The following BTBD1 variants were observed in gnomAD, a reference collection of about 807,000 sequenced individuals.
BTBD1 encodes BTB domain containing 1, also known as BTB/POZ domain-containing protein 1.
A neutral mutation model predicts 48.0 loss-of-function variants in BTBD1; 34 were observed. The ratio of observed to expected loss-of-function variants is 0.71; its 90% CI spans 0.54 to 0.94. The LOEUF (loss-of-function observed/expected upper bound fraction) is 0.94. Ranked by LOEUF, BTBD1 falls within the 40% of genes least tolerant of loss-of-function variation. The pLI, the probability that BTBD1 is intolerant of heterozygous loss-of-function variation, is 0.00. For synonymous variants in BTBD1, 261 were observed against 242.1 expected, an observed-to-expected ratio of 1.08 and a Z score of -0.72; for missense variants, 543 against 625.6, an observed-to-expected ratio of 0.87 and a Z score of 1.41.
chr15:83,059,762 C>A (rs1045973698), intron 1 of BTBD1, among the ~76,000 whole-genome samples: 3 of 151,860 alleles, frequency 2.0e-5, no homozygotes, highest in African/African-American at 7.3e-5. Context: ...TTTTTTTATG[C>A]TTTATGTTTT....
At position 83,041,927 on chromosome 15, in the gene BTBD1, T is replaced by G; in HGVS notation, c.665-2A>C. 6.2e-7 allele frequency: 1 copy of G among 1,613,682 alleles called. No homozygotes were observed. Among genetic ancestry groups the G allele is most frequent in the Non-Finnish European group, 8.5e-7 (1 of 1,179,664 alleles). On this transcript the variant is annotated splice_acceptor_variant, in intron 3 of 7. Transcript: ENST00000261721. LOFTEE classifies it high-confidence loss of function. ...TCTCTAAAACTGCACAGAGTGTATC[T>G]ATAGGCAAAATACAAAATAAACCCA... is the stretch of plus-strand genomic sequence containing the variant.
At chr15:83,062,550 C>T (rs992744594) in intron 1 of BTBD1, among the ~76,000 whole-genome samples, 14 of 152,096 alleles carry the variant, frequency 9.2e-5, no homozygotes, top group African/African-American at 3.1e-4. Context: ...AAAGGATTTT[C>T]CTGAAATTTA....
chr15:83,051,502 A>G (rs2032980874), intron 2 of BTBD1, among the ~76,000 whole-genome samples: 1 of 149,688 alleles, frequency 6.7e-6, no homozygotes, highest in Non-Finnish European at 1.5e-5. Context: ...TAAGTTTAAA[A>G]CATTTACATA....
At position 83,042,245 on chromosome 15, in the gene BTBD1, G is replaced by A. The variant is rs907137931; in HGVS notation, c.665-320C>T. 2.7e-5 allele frequency among the ~76,000 whole-genome samples: 4 copies of A among 150,630 alleles called. No homozygotes were observed. The East Asian group carries it at 5.8e-4, about 22-fold the overall frequency. ...TAAGATTAACAAGCCACAGAAAAAG[G>A]TTCCAATTACATAAATTCTTAAAGT... On this transcript the variant is annotated intron_variant, in intron 3 of 7. Transcript: ENST00000261721.
In BTBD1 at chr15:83,035,564, T is replaced by TG. The variant is rs200117739; in HGVS notation, c.863-5237dup. Among the ~76,000 whole-genome samples, 962 of 151,742 alleles carry TG rather than the reference T, an allele frequency of 6.3e-3. 3 individuals carry two copies. Among genetic ancestry groups the TG allele is most frequent in the Non-Finnish European group, 0.011 (716 of 67,894 alleles). On this transcript the variant is annotated intron_variant, in intron 4 of 7. Transcript: ENST00000261721. ...ATGAAAATACACATATTAAAAACTG[T>TG]GGGGGGGAAGGATGCTGAGAGAAAA...
At chr15:83,039,463 G>C (rs1322538320) in intron 4 of BTBD1, among the ~76,000 whole-genome samples, 1 of 152,084 alleles carries the variant, frequency 6.6e-6, no homozygotes, top group Non-Finnish European at 1.5e-5. Flanking sequence ...GCAGTTTGGA[G>C]ATTTTTTAAA....
At chr15:83,037,810 C>T (rs1223399760) in intron 4 of BTBD1, among the ~76,000 whole-genome samples, 3 of 152,150 alleles carry the variant, frequency 2.0e-5, no homozygotes, top group Admixed American at 6.6e-5. Context: ...AGGCCAGGTG[C>T]GGTGGCTCAC....
intron 3 of BTBD1, among the ~76,000 whole-genome samples, chr15:83,042,390 T>G (rs928501513): frequency 1.1e-5 from 1 of 94,308 alleles, no homozygotes; most frequent in Non-Finnish European, 2.3e-5. Context: ...ATGTATATAT[T>G]TTGGATATAG....
chr15:83,039,342 C>G (rs1405180548), intron 4 of BTBD1, among the ~76,000 whole-genome samples: 1 of 151,998 alleles, frequency 6.6e-6, no homozygotes, highest in Non-Finnish European at 1.5e-5. Context: ...ACCTCATACT[C>G]CTCAGAATGC....
chr15:83,044,877 T>C (rs1289049742), intron 3 of BTBD1: 2 of 699,292 alleles, frequency 2.9e-6, no homozygotes, highest in Non-Finnish European at 5.0e-6. Context: ...TTCAATTATC[T>C]TTATCACAAA....
chr15:83,060,441 C>T (rs1365770117), intron 1 of BTBD1, among the ~76,000 whole-genome samples: 2 of 145,222 alleles, frequency 1.4e-5, no homozygotes, highest in Non-Finnish European at 3.0e-5. Flanking sequence ...TCCTATTTTC[C>T]CCCCAAATTA....
At chr15:83,050,208 T>C in intron 2 of BTBD1, 30 bp from the exon 3 acceptor site, 2 of 1,447,800 alleles carry the variant, frequency 1.4e-6, no homozygotes, top group Non-Finnish European at 1.9e-6. Context: ...GTTATTTAAC[T>C]TTCATAGTTA....
intron 3 of BTBD1, among the ~76,000 whole-genome samples, chr15:83,048,855 G>C (rs1331253799): frequency 6.6e-6 from 1 of 152,222 alleles, no homozygotes; most frequent in African/African-American, 2.4e-5. Context: ...GATTAATACA[G>C]ACAAGAAAGA....
chr15:83,042,961 G>A (rs1047057783), intron 3 of BTBD1, among the ~76,000 whole-genome samples: 6 of 152,032 alleles, frequency 3.9e-5, no homozygotes, highest in African/African-American at 1.4e-4. Context: ...GCAATATAGT[G>A]AGACCCCATC....
chr15:83,056,482 G>C lies in BTBD1; in HGVS notation c.465C>G (p.Ala155=), dbSNP rs1567112548. 2.5e-6 allele frequency: 4 copies of C among 1,612,726 alleles called. No individual in the cohort carries two copies. Among genetic ancestry groups the C allele is most frequent in the Non-Finnish European group, 3.4e-6 (4 of 1,178,828 alleles). Reference sequence around the variant, plus strand: ...CCAAGGCTGGGACTGCGTATTTCTTGGCAGTATAAAGAGTGGTCATAACTG... The same window carrying C: ...CCAAGGCTGGGACTGCGTATTTCTTCGCAGTATAAAGAGTGGTCATAACTG... ...PETVMTTLYT[A]KKYAVPALEA... is the part of the protein sequence containing the mutation. Residue 155 remains alanine, a synonymous_variant, in exon 2 of 8, where the codon GCC becomes GCG. Transcript: ENST00000261721.
intron 4 of BTBD1, chr15:83,030,541 C>T (rs911972789): frequency 6.2e-6 from 3 of 485,714 alleles, no homozygotes; most frequent in East Asian, 3.6e-5. Context: ...ATTAATTAGT[C>T]AAAACTTAGA....
intron 3 of BTBD1, 25 bp from the exon 4 acceptor site, chr15:83,041,950 C>T: frequency 6.2e-7 from 1 of 1,601,588 alleles, no homozygotes; most frequent in South Asian, 1.1e-5. Flanking sequence ...CAAAATAAAC[C>T]CAATTAGAAA....
At position 83,067,008 on chromosome 15, in the gene BTBD1, C is replaced by G. The variant is rs1260785234; in HGVS notation, c.144G>C (p.Trp48Cys). The change falls in exon 1 of 8, where the codon TGG (tryptophan) becomes TGC (cysteine). Residue 48 changes from tryptophan (W) to cysteine (C), a missense_variant. By Grantham distance (215) the Trp-to-Cys change is radical (BLOSUM62 -2). Coordinates refer to ENST00000261721, the MANE Select transcript of BTBD1 (RefSeq NM_025238.4). ...CCTTCAGCGACGCCTTGGTCGCCTG[C>G]CAGTTGTAGAGAGGTTCCCGCTGCA... The part of the protein sequence containing the change: ...LPLQREPLYN[W>C]QATKASLKER... 6.3e-7 allele frequency: 1 copy of G among 1,586,346 alleles called. No homozygotes were observed. The highest frequency in any genetic ancestry group is 8.6e-7 in the Non-Finnish European group (1 of 1,168,304).
At chr15:83,029,991 T>C in intron 5 of BTBD1, 145 bp downstream of exon 5, 3 of 788,996 alleles carry the variant, frequency 3.8e-6, no homozygotes, top group East Asian at 4.9e-5. Flanking sequence ...AGTGACTTCT[T>C]GACTCCTATA....
Sources: allele counts gnomAD v4.1 joint callset (sites outside exome capture counted in the v4.1 genomes callset), GRCh38; gene constraint gnomAD v4.1.1; transcripts MANE v1.5; gene names NCBI Gene and HGNC (gene_info 2026-07-23, HGNC 2026-07-21).